Variants in PITPNB observed in about 807,000 individuals in gnomAD.
The protein encoded by PITPNB is phosphatidylinositol transfer protein beta isoform.
PITPNB carries 16 observed loss-of-function variants against 45.9 expected under a neutral mutation model. The ratio of observed to expected loss-of-function variants is 0.35; its 90% CI spans 0.24 to 0.53. The LOEUF is 0.53. PITPNB is among the 20% of genes least tolerant of loss of function. The probability of loss-of-function intolerance (pLI) is 0.93; values close to 1 mark genes in which losing one functional copy is unlikely to be tolerated. For synonymous variants in PITPNB, 112 were observed against 108.9 expected, an observed-to-expected ratio of 1.03 and a Z score of -0.18; for missense variants, 188 against 330.5, an observed-to-expected ratio of 0.57 and a Z score of 3.34.
chr22:27,873,912 A>T lies in PITPNB; in HGVS notation c.457-97T>A, dbSNP rs190513434. On this transcript the variant is annotated intron_variant, in intron 7 of 11. Transcript: ENST00000335272. ...CTTCGCAGCTACCAAAACACAGGACAGAAATCAATTAGACTCACTGTGCTT... is the reference window on the plus strand; with the variant it reads ...CTTCGCAGCTACCAAAACACAGGACTGAAATCAATTAGACTCACTGTGCTT... 536 of 770,808 alleles carry T rather than the reference A, an allele frequency of 7.0e-4. 6 individuals carry two copies. Among genetic ancestry groups the T allele is most frequent in the Admixed American group, 6.8e-3 (353 of 52,020 alleles). The allele number at this position is 770,808 out of a possible 1,614,324, so 47.7% of individuals were successfully genotyped here. A position where few individuals can be genotyped will look rare whatever the true frequency, so the allele number is the denominator to read the frequency against.
At position 27,862,961 on chromosome 22, in the gene PITPNB, C is replaced by T. The variant is rs185643969; in HGVS notation, c.535-2720G>A. The stretch of plus-strand genomic sequence containing the variant: ...ATGCAGAAGCAGTCAACAAGCCTTC[C>T]ATAAGACACAGCTAGCTTCTAAGTG... On this transcript the variant is annotated intron_variant, in intron 8 of 11. Coordinates refer to ENST00000335272, the MANE Select transcript of PITPNB (RefSeq NM_012399.5). Among the ~76,000 whole-genome samples, 1,029 of 152,290 alleles carry T rather than the reference C, an allele frequency of 6.8e-3. 6 individuals are homozygous for T. The highest frequency in any genetic ancestry group is 0.022 in the African/African-American group (934 of 41,554).
intron 3 of PITPNB, among the ~76,000 whole-genome samples, chr22:27,905,180 A>C (rs928146087): frequency 5.9e-5 from 9 of 152,066 alleles, no homozygotes; most frequent in Non-Finnish European, 1.3e-4. Context: ...ACGGAGTCTC[A>C]CTCTTGTCTC....
chr22:27,869,675 G>C (rs1221780720), intron 8 of PITPNB, among the ~76,000 whole-genome samples: 1 of 152,020 alleles, frequency 6.6e-6, no homozygotes, highest in African/African-American at 2.4e-5. Flanking sequence ...CACATTTATA[G>C]ATCTCAGCAA....
chr22:27,893,582 CTTT>C (rs745878388), intron 7 of PITPNB, among the ~76,000 whole-genome samples: 171 of 74,014 alleles, frequency 2.3e-3, no homozygotes, highest in African/African-American at 9.0e-3. Flanking sequence ...CATGTCTAGC[CTTT>C]TTTTTTTTTT....
In PITPNB at chr22:27,906,995, T is replaced by G. The variant is rs185440674; in HGVS notation, c.197+3969A>C. 2.9e-3 allele frequency among the ~76,000 whole-genome samples: 434 copies of G among 152,268 alleles called. 3 individuals carry two copies. Among genetic ancestry groups the G allele is most frequent in the Middle Eastern group, 6.8e-3 (2 of 294 alleles). ...GGGAATCCAGAGACTTGAGTTATAC[T>G]GGCTAAAGTAGATCTCAGAATTTCA... On this transcript the variant is annotated intron_variant, in intron 3 of 11. Transcript: ENST00000335272.
Position 27,852,855 on chromosome 22 carries a change from T to C in PITPNB, c.*847A>G, listed in dbSNP as rs921337338. The C allele has an allele frequency of 1.6e-4, 24 of 152,762 alleles. No homozygotes were observed. The highest frequency in any genetic ancestry group is 3.4e-4 in the Non-Finnish European group (23 of 68,026). 9.5% of individuals were successfully genotyped at this position (152,762 alleles called of 1,614,324 possible). A position where few individuals can be genotyped will look rare whatever the true frequency, so the allele number is the denominator to read the frequency against. On this transcript the variant is annotated 3_prime_UTR_variant, in exon 12 of 12. Transcript: ENST00000335272. ...TTGTCTAACAGGAGCCTGAAAACTG[T>C]CTAGTATTTATTATAAATCAGAAAC...
intron 8 of PITPNB, among the ~76,000 whole-genome samples, chr22:27,867,574 C>T (rs1934521471): frequency 6.6e-6 from 1 of 152,184 alleles, no homozygotes; most frequent in African/African-American, 2.4e-5. Flanking sequence ...GTATGGCTCA[C>T]ACCCATTTTA....
At chr22:27,861,624 G>A (rs955943759) in intron 8 of PITPNB, among the ~76,000 whole-genome samples, 1 of 152,114 alleles carries the variant, frequency 6.6e-6, no homozygotes, top group South Asian at 2.1e-4. Flanking sequence ...TCAGGGGCTC[G>A]GTCTACTACA....
intron 7 of PITPNB, among the ~76,000 whole-genome samples, chr22:27,891,446 T>G (rs1935276133): frequency 6.6e-6 from 1 of 152,210 alleles, no homozygotes; most frequent in Non-Finnish European, 1.5e-5. Context: ...CTAATAATAA[T>G]GATAATTACA....
At chr22:27,919,049 C>A (rs1165049221) in intron 1 of PITPNB, 123 bp downstream of exon 1, 17 of 1,470,038 alleles carry the variant, frequency 1.2e-5, no homozygotes, top group Non-Finnish European at 1.4e-5. Context: ...AGGGAGGGGG[C>A]GCCCGCAGGG....
intron 2 of PITPNB, among the ~76,000 whole-genome samples, chr22:27,912,500 G>A (rs1396411307): frequency 6.6e-6 from 1 of 151,992 alleles, no homozygotes; most frequent in African/African-American, 2.4e-5. Context: ...ATGAGTCTAG[G>A]TCAAAAGATA....
chr22:27,892,453 G>C (rs1935307781), intron 7 of PITPNB, among the ~76,000 whole-genome samples: 1 of 152,170 alleles, frequency 6.6e-6, no homozygotes, highest in Admixed American at 6.5e-5. Flanking sequence ...GAGCCATTTT[G>C]TTTGGTCATT....
At chr22:27,871,666 A>G (rs1222348761) in intron 8 of PITPNB, among the ~76,000 whole-genome samples, 1 of 152,258 alleles carries the variant, frequency 6.6e-6, no homozygotes, top group Non-Finnish European at 1.5e-5. Context: ...AAGCAAATTT[A>G]CATCAAGCAG....
At chr22:27,862,581 C>T (rs1338197390) in intron 8 of PITPNB, among the ~76,000 whole-genome samples, 3 of 152,144 alleles carry the variant, frequency 2.0e-5, no homozygotes, top group African/African-American at 7.2e-5. Context: ...TCTTGGCTAG[C>T]TTAGCTCTAT....
At chr22:27,874,437 G>A (rs1272384508) in intron 7 of PITPNB, among the ~76,000 whole-genome samples, 1 of 152,180 alleles carries the variant, frequency 6.6e-6, no homozygotes, top group East Asian at 1.9e-4. Context: ...CAAAGGAGGC[G>A]AAGGAGGGGT....
chr22:27,917,080 T>C (rs1216303144), intron 1 of PITPNB, among the ~76,000 whole-genome samples: 3 of 152,176 alleles, frequency 2.0e-5, no homozygotes, highest in African/African-American at 7.2e-5. Flanking sequence ...CTAGGGGAGA[T>C]ACACATGAAG....
At chr22:27,865,993 C>G (rs1266768670) in intron 8 of PITPNB, among the ~76,000 whole-genome samples, 1 of 152,172 alleles carries the variant, frequency 6.6e-6, no homozygotes, top group East Asian at 1.9e-4. Flanking sequence ...TTTTCCTCCT[C>G]TAAGGCAAAA....
At chr22:27,877,778 T>C (rs1283864409) in intron 7 of PITPNB, among the ~76,000 whole-genome samples, 1 of 152,176 alleles carries the variant, frequency 6.6e-6, no homozygotes, top group Non-Finnish European at 1.5e-5. Context: ...GGCAGGCTGG[T>C]AGGAGTTTCT....
In PITPNB at chr22:27,853,232, T is replaced by C. The variant is rs1934076133; in HGVS notation, c.*470A>G. The C allele has an allele frequency of 5.4e-6, 1 of 183,554 alleles. No homozygotes were observed. Among genetic ancestry groups the C allele is most frequent in the South Asian group, 1.9e-4 (1 of 5,168 alleles). The allele number at this position is 183,554 out of a possible 1,614,324, so 11.4% of individuals were successfully genotyped here. A position where few individuals can be genotyped will look rare whatever the true frequency, so the allele number is the denominator to read the frequency against. Reference sequence around the variant, plus strand: ...GAAAAATAATAAAAGGCTATATATGTTGGTCCACAGCTTGACATTTATGAA... The same window carrying C: ...GAAAAATAATAAAAGGCTATATATGCTGGTCCACAGCTTGACATTTATGAA... On this transcript the variant is annotated 3_prime_UTR_variant, in exon 12 of 12. Transcript: ENST00000335272.
Sources: allele counts gnomAD v4.1 joint callset (sites outside exome capture counted in the v4.1 genomes callset), GRCh38; gene constraint gnomAD v4.1.1; transcripts MANE v1.5; gene names NCBI Gene and HGNC (gene_info 2026-07-23, HGNC 2026-07-21).